ZNF469: variants seen among roughly 807,000 people sequenced by gnomAD.
The protein encoded by ZNF469 is zinc finger protein 469.
ZNF469 carries 1 observed loss-of-function variant against 1.0 expected under a neutral mutation model. The observed-to-expected ratio is 1.00, with a 90% CI of 0.35 to 4.73. ZNF469 has a LOEUF of 4.73. Ranked by LOEUF, ZNF469 falls within the 30% of genes most tolerant of loss-of-function variation. The pLI is 0.16. For missense variants in ZNF469, 6,100 were observed against 5,356.3 expected (o/e 1.14, Z -4.33); for synonymous variants, 2,703 against 2,363.4 (o/e 1.14, Z -4.17).
At chr16:88,256,424 A>T in the ZNF469 span, among the ~76,000 whole-genome samples, 88 of 152,244 alleles carry the variant, frequency 5.8e-4, no homozygotes, top group Admixed American at 1.8e-3. Flanking sequence ...CACTGTCTGG[A>T]TGGACCATAG....
the ZNF469 span, among the ~76,000 whole-genome samples, chr16:88,117,714 G>C: frequency 8.7e-4 from 132 of 152,332 alleles, no homozygotes; most frequent in African/African-American, 3.0e-3. Flanking sequence ...GCTTTTCCTG[G>C]GGAAGGGCTT....
At chr16:88,281,042 G>C in the ZNF469 span, among the ~76,000 whole-genome samples, 1 of 151,356 alleles carries the variant, frequency 6.6e-6, no homozygotes, top group Non-Finnish European at 1.5e-5. Context: ...GCTGACGCTT[G>C]GTCAGTACTG....
the ZNF469 span, among the ~76,000 whole-genome samples, chr16:88,345,801 T>A: frequency 1.3e-5 from 2 of 152,264 alleles, no homozygotes; most frequent in African/African-American, 4.8e-5. Context: ...CAGCTTTTCA[T>A]AGGGGAGAAT....
the ZNF469 span, among the ~76,000 whole-genome samples, chr16:88,327,604 G>A: frequency 2.2e-4 from 33 of 152,146 alleles, no homozygotes; most frequent in Non-Finnish European, 2.8e-4. Flanking sequence ...GCAGGACAGG[G>A]CACGTGCTCC....
the ZNF469 span, among the ~76,000 whole-genome samples, chr16:88,113,214 G>A: frequency 8.5e-5 from 13 of 152,292 alleles, no homozygotes; most frequent in African/African-American, 2.9e-4. Flanking sequence ...TTTTCTTGTA[G>A]TAGTTTCATC....
Position 88,431,737 on chromosome 16 carries a change from G to A in ZNF469, c.4267G>A (p.Gly1423Ser), listed in dbSNP as rs773575681. 27 of 1,549,962 alleles carry A rather than the reference G, an allele frequency of 1.7e-5. No individual in the cohort carries two copies. Among genetic ancestry groups the A allele is most frequent in the East Asian group, 1.2e-4 (5 of 40,932 alleles). ...SCLCQDGEDAGSLEPQLPRSP... is the reference protein window; with the variant it reads ...SCLCQDGEDASSLEPQLPRSP... ...CCTTTGCCAGGACGGCGAGGATGCCGGTTCCCTCGAGCCACAGCTGCCAAG... is the reference window on the plus strand; with the variant it reads ...CCTTTGCCAGGACGGCGAGGATGCCAGTTCCCTCGAGCCACAGCTGCCAAG... Residue 1423 changes from glycine (G) to serine (S), a missense_variant, in exon 3 of 3, where the codon GGT becomes AGT. Physicochemically the swap from Gly to Ser is moderately conservative, Grantham distance 56. Coordinates refer to ENST00000565624, the MANE Select transcript of ZNF469 (RefSeq NM_001367624.2).
chr16:88,203,606 G>A, the ZNF469 span, among the ~76,000 whole-genome samples: 1 of 152,188 alleles, frequency 6.6e-6, no homozygotes, highest in East Asian at 1.9e-4. Context: ...TGCTGCCTGG[G>A]GGGTCTCCCG....
the ZNF469 span, among the ~76,000 whole-genome samples, chr16:88,312,164 G>A: frequency 6.6e-6 from 1 of 151,196 alleles, no homozygotes; most frequent in Non-Finnish European, 1.5e-5. Context: ...AGAACAGTAT[G>A]GGGGAAACCA....
chr16:88,162,108 C>T, the ZNF469 span, among the ~76,000 whole-genome samples: 3 of 152,108 alleles, frequency 2.0e-5, no homozygotes, highest in East Asian at 3.9e-4. Flanking sequence ...ACACAAATAG[C>T]CTGGCTGAAA....
At chr16:88,106,063 G>T in the ZNF469 span, among the ~76,000 whole-genome samples, 1 of 152,220 alleles carries the variant, frequency 6.6e-6, no homozygotes, top group African/African-American at 2.4e-5. Context: ...AGTAGCAGAG[G>T]ATTTAAAAAC....
the ZNF469 span, among the ~76,000 whole-genome samples, chr16:88,340,180 G>A: frequency 1.8e-4 from 28 of 152,186 alleles, no homozygotes; most frequent in Non-Finnish European, 3.8e-4. Context: ...TCCCCTGCAC[G>A]GCAGTCCAGG....
At chr16:88,404,102 G>A (rs112446135) in intron 1 of ZNF469, among the ~76,000 whole-genome samples, 2,094 of 152,298 alleles carry the variant, frequency 0.014, 57 homozygotes, top group African/African-American at 0.048. Context: ...GTTGTTTTGC[G>A]GGACCCTTGT....
the ZNF469 span, among the ~76,000 whole-genome samples, chr16:88,181,897 A>G: frequency 6.6e-6 from 1 of 152,244 alleles, no homozygotes; most frequent in African/African-American, 2.4e-5. Flanking sequence ...AAATAAAGCC[A>G]GGAAAAGAAG....
chr16:88,172,991 C>T, the ZNF469 span, among the ~76,000 whole-genome samples: 275 of 152,244 alleles, frequency 1.8e-3, 2 homozygotes, highest in Middle Eastern at 0.01. Flanking sequence ...ATCAAAGCAT[C>T]GTGTCTGTGT....
At chr16:88,132,523 C>G in the ZNF469 span, among the ~76,000 whole-genome samples, 2 of 152,396 alleles carry the variant, frequency 1.3e-5, no homozygotes, top group Admixed American at 1.3e-4. Context: ...GTGTCACAAA[C>G]TCATCTGAAC....
Position 88,433,114 on chromosome 16 carries a change from G to A in ZNF469, c.5644G>A (p.Ala1882Thr), listed in dbSNP as rs74032866. 3.9e-4 allele frequency: 611 copies of A among 1,550,288 alleles called. 2 individuals carry two copies. The African/African-American group carries it at 6.5e-3, about 17-fold the overall frequency. ...EAWLVPVPSP[A>T]CVSNTHPSRR... ...TTGGTTGGTCCCTGTGCCAAGTCCC[G>A]CCTGTGTATCCAACACCCACCCTAG... Residue 1882 changes from alanine (A) to threonine (T), a missense_variant, in exon 3 of 3, where the codon GCC (alanine) becomes ACC (threonine). Transcript: ENST00000565624.
In ZNF469 at chr16:88,428,477, CCTG is replaced by C. The variant is rs1261410884; in HGVS notation, c.1010_1012del (p.Cys337del). 2 of 1,549,376 alleles carry C rather than the reference CCTG, an allele frequency of 1.3e-6. No individual in the cohort carries two copies. The highest frequency in any genetic ancestry group is 2.7e-5 in the African/African-American group (2 of 73,146). On this transcript the variant is annotated inframe_deletion, in exon 3 of 3. Transcript: ENST00000565624. Reference sequence around the variant, plus strand: ...ACCCAGCCTGCGCCCTCACCCCTGCCCTGCTACCAGGGCCAGCCAGGTGGCCTG... The same window carrying C: ...ACCCAGCCTGCGCCCTCACCCCTGCCCTACCAGGGCCAGCCAGGTGGCCTG...
At chr16:88,422,747 AATGGATGGATGGATGGATGG>A (rs56651491) in intron 1 of ZNF469, among the ~76,000 whole-genome samples, 32 of 118,914 alleles carry the variant, frequency 2.7e-4, no homozygotes, top group Non-Finnish European at 2.7e-4. Flanking sequence ...TGGATGAGTG[AATGGATGGATGGATGGATGG>A]ATGGATGGAT....
chr16:88,395,767 G>T (rs1904641764), intron 1 of ZNF469, among the ~76,000 whole-genome samples: 1 of 152,218 alleles, frequency 6.6e-6, no homozygotes, highest in South Asian at 2.1e-4. Context: ...TCTATGCTGG[G>T]CCATTCCACA....
Sources: allele counts gnomAD v4.1 joint callset (sites outside exome capture counted in the v4.1 genomes callset), GRCh38; gene constraint gnomAD v4.1.1; transcripts MANE v1.5; gene names NCBI Gene and HGNC (gene_info 2026-07-23, HGNC 2026-07-21).